MTMR7: variants seen among roughly 807,000 people sequenced by gnomAD.
MTMR7 encodes myotubularin related protein 7, also known as phosphatidylinositol-3-phosphate phosphatase MTMR7.
In MTMR7, 76 loss-of-function variants were observed where a neutral mutation model predicts 81.2. The observed-to-expected ratio is 0.94, with a 90% CI of 0.78 to 1.13. The LOEUF (loss-of-function observed/expected upper bound fraction) is 1.13, where lower values mean the gene tolerates loss of function less well. Ranked by LOEUF, MTMR7 falls within the 50% of genes most tolerant of loss-of-function variation. MTMR7 has a pLI of 0.00. For missense variants in MTMR7, 1,044 were observed against 820.0 expected, an observed-to-expected ratio of 1.27 and a Z score of -3.34; for synonymous variants, 372 against 289.8, an observed-to-expected ratio of 1.28 and a Z score of -2.88.
intron 10 of MTMR7, 95 bp downstream of exon 10, chr8:17,309,180 CAA>C (rs1198487628): frequency 7.1e-6 from 6 of 847,062 alleles, no homozygotes; most frequent in Non-Finnish European, 1.1e-5. Context: ...GACACAAACT[CAA>C]AAAACAAGAC....
chr8:17,363,622 A>G (rs546738343), intron 3 of MTMR7, among the ~76,000 whole-genome samples: 354 of 152,230 alleles, frequency 2.3e-3, no homozygotes, highest in Non-Finnish European at 4.1e-3. Context: ...GAAAAGGGTG[A>G]TCAACCAATC....
At chr8:17,329,037 G>A (rs1367188296) in intron 7 of MTMR7, among the ~76,000 whole-genome samples, 4 of 152,244 alleles carry the variant, frequency 2.6e-5, no homozygotes, top group East Asian at 1.9e-4. Context: ...AAACCAGAAC[G>A]CAAACAATTT....
At chr8:17,406,736 C>G (rs1365444173) in intron 1 of MTMR7, among the ~76,000 whole-genome samples, 1 of 152,144 alleles carries the variant, frequency 6.6e-6, no homozygotes, top group Non-Finnish European at 1.5e-5. Flanking sequence ...AAAAATCTCC[C>G]TCAACTGATA....
chr8:17,327,925 T>C (rs1308675808), intron 7 of MTMR7, among the ~76,000 whole-genome samples: 1 of 152,204 alleles, frequency 6.6e-6, no homozygotes, highest in Non-Finnish European at 1.5e-5. Context: ...TACCACATAC[T>C]GCACACAATT....
intron 4 of MTMR7, among the ~76,000 whole-genome samples, chr8:17,359,141 C>T (rs1819985641): frequency 6.6e-6 from 1 of 152,014 alleles, no homozygotes; most frequent in Admixed American, 6.5e-5. Flanking sequence ...CAAGCAGTCC[C>T]CTCGCCATGG....
At chr8:17,310,510 G>A (rs1383699964) in intron 9 of MTMR7, among the ~76,000 whole-genome samples, 1 of 152,134 alleles carries the variant, frequency 6.6e-6, no homozygotes, top group East Asian at 1.9e-4. Flanking sequence ...CAGGAGAAGA[G>A]CCTAAGGGCA....
chr8:17,348,508 C>CCACT (rs1819629995), intron 5 of MTMR7, among the ~76,000 whole-genome samples: 1 of 147,052 alleles, frequency 6.8e-6, no homozygotes, highest in Non-Finnish European at 1.5e-5. Context: ...CGAGATTGCA[C>CCACT]CACTGCACTC....
chr8:17,385,436 T>C (rs1225793710), intron 1 of MTMR7, among the ~76,000 whole-genome samples: 3 of 152,162 alleles, frequency 2.0e-5, no homozygotes, highest in South Asian at 4.2e-4. Flanking sequence ...TGAATACGCC[T>C]CATGACATCT....
At chr8:17,361,624 G>C (rs80172989) in intron 3 of MTMR7, among the ~76,000 whole-genome samples, 79 of 152,242 alleles carry the variant, frequency 5.2e-4, no homozygotes, top group African/African-American at 1.6e-3. Flanking sequence ...GCATTCATTA[G>C]GCATGAAGAT....
intron 1 of MTMR7, among the ~76,000 whole-genome samples, chr8:17,407,759 C>T (rs967558959): frequency 6.6e-6 from 1 of 152,130 alleles, no homozygotes; most frequent in African/African-American, 2.4e-5. Flanking sequence ...AGAAAATGTA[C>T]CCAAATATTA....
chr8:17,404,376 A>G (rs1336651854), intron 1 of MTMR7, among the ~76,000 whole-genome samples: 1 of 152,144 alleles, frequency 6.6e-6, no homozygotes, highest in Non-Finnish European at 1.5e-5. Flanking sequence ...GCGAGAGGGA[A>G]TTAGTTCAGT....
At chr8:17,375,958 G>A (rs975928507) in intron 1 of MTMR7, among the ~76,000 whole-genome samples, 4 of 152,052 alleles carry the variant, frequency 2.6e-5, no homozygotes, top group Admixed American at 2.0e-4. Flanking sequence ...CTATTCAATG[G>A]TTTTTAGCAC....
rs1042863299 is a variant in MTMR7 at position 17,297,908 on chromosome 8, G to A, written c.*1954C>T. On this transcript the variant is annotated 3_prime_UTR_variant, in exon 14 of 14. Coordinates refer to ENST00000180173, the MANE Select transcript of MTMR7 (RefSeq NM_004686.5). ...ATGTCTGTCTTGTAAAAAAGTTGAGGGGACTAAAAGTTTATGACTCTGATA... is the reference window on the plus strand; with the variant it reads ...ATGTCTGTCTTGTAAAAAAGTTGAGAGGACTAAAAGTTTATGACTCTGATA... 3 of 151,798 alleles carry A rather than the reference G, an allele frequency of 2.0e-5. No homozygotes were observed. The highest frequency in any genetic ancestry group is 7.3e-5 in the African/African-American group (3 of 41,358). The allele number at this position is 151,798 out of a possible 1,614,324, so 9.4% of individuals were successfully genotyped here.
At chr8:17,395,687 T>C (rs1302442589) in intron 1 of MTMR7, among the ~76,000 whole-genome samples, 2 of 152,246 alleles carry the variant, frequency 1.3e-5, no homozygotes, top group Non-Finnish European at 2.9e-5. Flanking sequence ...TGATGTTGGC[T>C]ATCTTTTGAT....
intron 13 of MTMR7, chr8:17,301,797 G>GGAAA (rs779693990): frequency 3.5e-6 from 1 of 284,846 alleles, no homozygotes; most frequent in Non-Finnish European, 6.4e-6. Context: ...CTAAAAGTGG[G>GGAAA]GAAAGAGTTT....
intron 7 of MTMR7, chr8:17,326,367 C>T (rs567601920): frequency 2.6e-5 from 4 of 152,106 alleles, no homozygotes; most frequent in East Asian, 1.9e-4. Flanking sequence ...AAATCTGAAC[C>T]GTGTCCAATA....
intron 1 of MTMR7, among the ~76,000 whole-genome samples, chr8:17,412,700 C>G (rs1585132936): frequency 6.6e-6 from 1 of 152,196 alleles, no homozygotes; most frequent in Non-Finnish European, 1.5e-5. Context: ...CAAGAACACA[C>G]CATCATTCAA....
At chr8:17,368,215 G>T (rs757710638) in intron 3 of MTMR7, among the ~76,000 whole-genome samples, 1 of 152,136 alleles carries the variant, frequency 6.6e-6, no homozygotes, top group African/African-American at 2.4e-5. Context: ...TGCCACGAGT[G>T]ATCTCACAGG....
intron 1 of MTMR7, among the ~76,000 whole-genome samples, chr8:17,376,790 C>T (rs1315054238): frequency 6.6e-6 from 1 of 152,006 alleles, no homozygotes; most frequent in African/African-American, 2.4e-5. Flanking sequence ...GTGACCTAAT[C>T]CTAGTTTACT....
Sources: gnomAD v4.1 joint callset for allele counts (sites outside exome capture counted in the v4.1 genomes callset) on GRCh38, gnomAD v4.1.1 for gene constraint, MANE v1.5 for transcripts, NCBI Gene and HGNC (gene_info 2026-07-23, HGNC 2026-07-21) for gene names.